Variants in FBXW10B observed in about 807,000 individuals in gnomAD.
FBXW10B encodes F-box and WD repeat domain containing 10B.
chr17:15,593,313 C>A, the FBXW10B span: 1 of 1,613,570 alleles, frequency 6.2e-7, no homozygotes, highest in Non-Finnish European at 8.5e-7. Context: ...ACTCACAGTT[C>A]TGACCTCCAC....
At chr17:15,614,852 C>T in the FBXW10B span, among the ~76,000 whole-genome samples, 13 of 152,136 alleles carry the variant, frequency 8.5e-5, no homozygotes, top group African/African-American at 3.1e-4. Flanking sequence ...CAGTTCCCAA[C>T]TTAGGAGTGC....
chr17:15,580,348 T>G, the FBXW10B span, among the ~76,000 whole-genome samples: 3 of 152,088 alleles, frequency 2.0e-5, no homozygotes, highest in African/African-American at 7.2e-5. Flanking sequence ...CCAGCAAGAA[T>G]CACTCACAGA....
the FBXW10B span, among the ~76,000 whole-genome samples, chr17:15,601,479 A>C: frequency 6.6e-6 from 1 of 152,034 alleles, no homozygotes; most frequent in Non-Finnish European, 1.5e-5. Flanking sequence ...AACTAATAAG[A>C]GAGTTTGGCA....
At chr17:15,582,746 G>GC in the FBXW10B span, among the ~76,000 whole-genome samples, 1 of 152,086 alleles carries the variant, frequency 6.6e-6, no homozygotes, top group African/African-American at 2.4e-5. Flanking sequence ...GTGGAGCCAA[G>GC]AATAATAGAA....
chr17:15,572,268 C>T, the FBXW10B span: 1,990 of 133,264 alleles, frequency 0.015, 26 homozygotes, highest in African/African-American at 0.038. Flanking sequence ...CTAGCTCCTC[C>T]GCCTGCTTCA....
At chr17:15,583,446 G>A in the FBXW10B span, among the ~76,000 whole-genome samples, 14 of 148,332 alleles carry the variant, frequency 9.4e-5, no homozygotes, top group South Asian at 4.6e-4. Context: ...CCTTGGCCAC[G>A]AACTGACCAC....
chr17:15,582,887 G>C, the FBXW10B span, among the ~76,000 whole-genome samples: 2 of 151,458 alleles, frequency 1.3e-5, no homozygotes, highest in East Asian at 3.9e-4. Context: ...ATAGATTAAA[G>C]ATACAAGCTA....
At chr17:15,566,033 C>G in the FBXW10B span, 1 of 1,609,856 alleles carries the variant, frequency 6.2e-7, no homozygotes, top group African/African-American at 1.4e-5. Flanking sequence ...TTCTGGATTT[C>G]AAGGGGAATA....
At chr17:15,573,959 T>C in the FBXW10B span, 2 of 513,298 alleles carry the variant, frequency 3.9e-6, no homozygotes, top group Non-Finnish European at 6.9e-6. Flanking sequence ...CCAAGGAGAA[T>C]ACAGAGGACA....
chr17:15,593,507 C>G, the FBXW10B span: 3 of 1,613,880 alleles, frequency 1.9e-6, no homozygotes, highest in Admixed American at 3.3e-5. Context: ...TGGAAGGGAA[C>G]AGAGTAGCAG....
the FBXW10B span, among the ~76,000 whole-genome samples, chr17:15,578,573 G>A: frequency 6.6e-6 from 1 of 152,120 alleles, no homozygotes; most frequent in Non-Finnish European, 1.5e-5. Context: ...AGAAAGGAAA[G>A]GTATGTGTCT....
the FBXW10B span, among the ~76,000 whole-genome samples, chr17:15,579,907 G>A: frequency 1.3e-5 from 2 of 151,626 alleles, no homozygotes; most frequent in African/African-American, 2.4e-5. Flanking sequence ...ACAAAACAAT[G>A]TTATATTTAA....
At chr17:15,571,057 C>A in the FBXW10B span, among the ~76,000 whole-genome samples, 1 of 152,146 alleles carries the variant, frequency 6.6e-6, no homozygotes, top group Admixed American at 6.5e-5. Flanking sequence ...TAAAAATAGA[C>A]AAAAGGGGCC....
At chr17:15,566,709 C>T in the FBXW10B span, among the ~76,000 whole-genome samples, 668 of 151,760 alleles carry the variant, frequency 4.4e-3, 5 homozygotes, top group African/African-American at 0.015. Context: ...TACAGGCGTC[C>T]GCCACCATGC....
At chr17:15,609,752 A>C in the FBXW10B span, among the ~76,000 whole-genome samples, 8 of 151,608 alleles carry the variant, frequency 5.3e-5, no homozygotes, top group African/African-American at 1.9e-4. Flanking sequence ...CGCTTTTCCC[A>C]GGAGACTCTG....
At chr17:15,609,795 C>A in the FBXW10B span, among the ~76,000 whole-genome samples, 2 of 151,558 alleles carry the variant, frequency 1.3e-5, no homozygotes, top group African/African-American at 2.4e-5. Flanking sequence ...CATGTGTTCT[C>A]CATACTGTTT....
chr17:15,583,956 A>G, the FBXW10B span, among the ~76,000 whole-genome samples: 2 of 152,154 alleles, frequency 1.3e-5, no homozygotes, highest in East Asian at 3.8e-4. Context: ...GTGTTGATAC[A>G]GGTTCTAGAA....
At chr17:15,616,459 T>A in the FBXW10B span, among the ~76,000 whole-genome samples, 1 of 151,762 alleles carries the variant, frequency 6.6e-6, no homozygotes, top group East Asian at 2.0e-4. Flanking sequence ...CGTGAGCCAC[T>A]GCGCCCAACC....
chr17:15,614,971 G>A, the FBXW10B span, among the ~76,000 whole-genome samples: 1 of 152,158 alleles, frequency 6.6e-6, no homozygotes, highest in Non-Finnish European at 1.5e-5. Context: ...TGGCCACCAT[G>A]CCAGAGCCCA....
Sources: gnomAD v4.1 joint callset for allele counts (sites outside exome capture counted in the v4.1 genomes callset) on GRCh38, gnomAD v4.1.1 for gene constraint, MANE v1.5 for transcripts, NCBI Gene and HGNC (gene_info 2026-07-23, HGNC 2026-07-21) for gene names.